Variants in RTN4 observed in about 807,000 individuals in gnomAD.
The protein encoded by RTN4 is reticulon-4.
Under a neutral mutation model 90.4 loss-of-function variants are expected in RTN4, and 32 were observed. The observed-to-expected ratio is 0.35, with a 90% confidence interval of 0.27 to 0.48. The LOEUF (loss-of-function observed/expected upper bound fraction) is 0.48. Ranked by LOEUF, RTN4 falls within the 20% of genes least tolerant of loss-of-function variation. The probability of loss-of-function intolerance (pLI) is 0.99; values close to 1 mark genes in which losing one functional copy is unlikely to be tolerated. For missense variants in RTN4, 1,706 were observed against 1,430.2 expected (o/e 1.19, Z -3.11); for synonymous variants, 629 against 552.5 (o/e 1.14, Z -1.94).
chr2:55,032,421 G>A (rs1022000910), intron 1 of RTN4, among the ~76,000 whole-genome samples: 17 of 152,104 alleles, frequency 1.1e-4, no homozygotes, highest in Admixed American at 8.5e-4. Context: ...TAGCTATTAA[G>A]ATATTAAGTA....
chr2:55,085,155 A>G (rs972070730), intron 1 of RTN4, among the ~76,000 whole-genome samples: 1 of 152,202 alleles, frequency 6.6e-6, no homozygotes, highest in Non-Finnish European at 1.5e-5. Flanking sequence ...TGCACACTGT[A>G]TTAATTAGGG....
At chr2:55,035,536 A>T (rs1295681992) in intron 1 of RTN4, among the ~76,000 whole-genome samples, 2 of 152,176 alleles carry the variant, frequency 1.3e-5, no homozygotes, top group East Asian at 3.8e-4. Context: ...ATCGAAGTGT[A>T]AAGCTTCCAC....
Position 55,026,372 on chromosome 2 carries a change from T to C in RTN4, c.1727A>G (p.Lys576Arg), listed in dbSNP as rs772014031. 1.2e-6 allele frequency: 2 copies of C among 1,613,980 alleles called. No homozygotes were observed. The highest frequency in any genetic ancestry group is 1.7e-6 in the Non-Finnish European group (2 of 1,179,906). The change falls in exon 3 of 9, where the codon AAA becomes AGA. Residue 576 changes from lysine (K) to arginine (R), a missense_variant. Physicochemically the swap from Lys to Arg is conservative, Grantham distance 26. Transcript: ENST00000337526. ...TTCTGATGTTTGAACCAAGTCCATT[T>C]TTGTTTCATAAGCAATCTTTGTACC... ...VTGTKIAYET[K>R]MDLVQTSEVM...
intron 2 of RTN4, among the ~76,000 whole-genome samples, chr2:55,073,945 C>T (rs547727658): frequency 2.0e-5 from 3 of 152,318 alleles, no homozygotes; most frequent in African/African-American, 7.2e-5. Flanking sequence ...GACCACCTGC[C>T]CCAGTTTCGT....
At chr2:55,049,222 C>A (rs1186928338) in intron 1 of RTN4, 14 of 966,354 alleles carry the variant, frequency 1.4e-5, no homozygotes, top group Non-Finnish European at 1.7e-5. Context: ...GCAAAGGGGC[C>A]ACCCACGCCA....
At chr2:55,051,324 C>T (rs1217837782), upstream of RTN4, among the ~76,000 whole-genome samples, 1 of 152,100 alleles carries the variant, frequency 6.6e-6, no homozygotes, top group African/African-American at 2.4e-5. Flanking sequence ...ACAAAGATGC[C>T]TTGGAAAGCT....
At chr2:54,984,036 C>A (rs547574618) in intron 4 of RTN4, among the ~76,000 whole-genome samples, 4 of 152,276 alleles carry the variant, frequency 2.6e-5, no homozygotes, top group African/African-American at 7.2e-5. Context: ...TATTTTTTAA[C>A]CTTAATGTAG....
intron 1 of RTN4, among the ~76,000 whole-genome samples, chr2:55,032,756 G>A (rs910335137): frequency 6.6e-6 from 1 of 152,072 alleles, no homozygotes; most frequent in Non-Finnish European, 1.5e-5. Flanking sequence ...GGCCAGGCAT[G>A]GGAGCTCATG....
At chr2:55,125,488 G>C in the RTN4 span, among the ~76,000 whole-genome samples, 1 of 152,218 alleles carries the variant, frequency 6.6e-6, no homozygotes, top group African/African-American at 2.4e-5. Context: ...ACATATGGCC[G>C]GGTGCGGTGG....
intron 7 of RTN4, 82 bp downstream of exon 7, chr2:54,973,739 A>T (rs942579436): frequency 6.6e-7 from 1 of 1,511,294 alleles, no homozygotes; most frequent in Non-Finnish European, 9.2e-7. Context: ...AAGACATTGA[A>T]AATGGGCACT....
intron 3 of RTN4, among the ~76,000 whole-genome samples, chr2:55,009,428 G>T (rs1468930482): frequency 3.3e-5 from 5 of 152,060 alleles, no homozygotes; most frequent in African/African-American, 1.2e-4. Context: ...GATCCACTGA[G>T]ATTTGAAAGG....
chr2:55,134,962 G>C, the RTN4 span, among the ~76,000 whole-genome samples: 1 of 152,052 alleles, frequency 6.6e-6, no homozygotes, highest in African/African-American at 2.4e-5. Context: ...AAGTGAGCTG[G>C]GCTGTAAGTG....
chr2:55,048,424 G>A (rs115020553), intron 1 of RTN4, among the ~76,000 whole-genome samples: 3,410 of 151,952 alleles, frequency 0.022, 67 homozygotes, highest in Non-Finnish European at 0.031. Flanking sequence ...TTGTAATAAC[G>A]TTTAACTTAA....
intron 1 of RTN4, among the ~76,000 whole-genome samples, chr2:55,096,697 C>T (rs903759738): frequency 4.6e-5 from 7 of 152,150 alleles, no homozygotes; most frequent in Admixed American, 6.5e-5. Context: ...TCAATCTGAA[C>T]GCAAGCTACT....
chr2:55,047,226 A>T (rs562831990), intron 1 of RTN4, among the ~76,000 whole-genome samples: 15 of 151,552 alleles, frequency 9.9e-5, no homozygotes, highest in African/African-American at 3.6e-4. Context: ...GCTACTCGGG[A>T]GGCTGAGGCA....
In RTN4 at chr2:55,026,601, T is replaced by C; in HGVS notation, c.1498A>G (p.Lys500Glu). ...TTCTCTGTTACTATTTGGGCCTTCT[T>C]TTCTTCTATTTTTTTTTCATCGGTC... ...NKTDEKKIEEKKAQIVTEKNT... is the reference protein window; with the variant it reads ...NKTDEKKIEEEKAQIVTEKNT... The change falls in exon 3 of 9, where the codon AAG becomes GAG. Residue 500 changes from lysine (K) to glutamate (E), a missense_variant. Lys to Glu is a moderately conservative substitution (Grantham distance 56). Coordinates refer to ENST00000337526, the MANE Select transcript of RTN4 (RefSeq NM_020532.5). 5 of 1,612,248 alleles carry C rather than the reference T, an allele frequency of 3.1e-6. No individual in the cohort carries two copies. The highest frequency in any genetic ancestry group is 3.4e-6 in the Non-Finnish European group (4 of 1,179,750).
At chr2:54,993,075 GAAA>G (rs61127530) in intron 3 of RTN4, among the ~76,000 whole-genome samples, 1 of 64,656 alleles carries the variant, frequency 1.5e-5, no homozygotes. Flanking sequence ...CTCCATCTCG[GAAA>G]AAAAAAAAAA....
intron 3 of RTN4, among the ~76,000 whole-genome samples, chr2:55,013,187 G>C (rs1436607809): frequency 6.6e-6 from 1 of 152,076 alleles, no homozygotes; most frequent in Non-Finnish European, 1.5e-5. Context: ...TTCATATTGT[G>C]TGTTTGTGGA....
chr2:55,004,415 T>C (rs1208257222), intron 3 of RTN4, among the ~76,000 whole-genome samples: 1 of 152,138 alleles, frequency 6.6e-6, no homozygotes, highest in Non-Finnish European at 1.5e-5. Context: ...CTGACAAATA[T>C]TTAAATCTCT....
Sources: allele counts gnomAD v4.1 joint callset (sites outside exome capture counted in the v4.1 genomes callset), GRCh38; gene constraint gnomAD v4.1.1; transcripts MANE v1.5; gene names NCBI Gene and HGNC (gene_info 2026-07-23, HGNC 2026-07-21).